The following RELN variants were observed in gnomAD, a reference collection of about 807,000 sequenced individuals.
RELN encodes reelin.
In RELN, 108 loss-of-function variants were observed where a neutral mutation model predicts 427.6. The ratio of observed to expected loss-of-function variants is 0.25; its 90% CI spans 0.22 to 0.30. The LOEUF is 0.30. RELN is among the 10% of genes least tolerant of loss of function. The pLI, the probability that RELN is intolerant of heterozygous loss-of-function variation, is 1.00. For missense variants in RELN, 3,715 were observed against 4,302.8 expected (o/e 0.86, Z 3.82); for synonymous variants, 1,524 against 1,513.4 (o/e 1.01, Z -0.16).
chr7:103,974,087 G>A (rs1006546239), intron 1 of RELN, among the ~76,000 whole-genome samples: 3 of 152,208 alleles, frequency 2.0e-5, no homozygotes, highest in Non-Finnish European at 4.4e-5. Flanking sequence ...AGGTTGAGGT[G>A]AGCCGAGACG....
At chr7:103,749,610 A>G (rs1224346530) in intron 5 of RELN, 106 bp from the exon 6 acceptor site, 2 of 840,512 alleles carry the variant, frequency 2.4e-6, no homozygotes, top group Non-Finnish European at 4.0e-6. Flanking sequence ...GTATCCTAAA[A>G]CTAAATTTTA....
At chr7:103,671,980 C>G (rs1308762221) in intron 11 of RELN, among the ~76,000 whole-genome samples, 1 of 152,062 alleles carries the variant, frequency 6.6e-6, no homozygotes, top group African/African-American at 2.4e-5. Context: ...CCTCTATAGC[C>G]TTATGAGCAT....
rs375008075 is a variant in RELN at position 103,905,352 on chromosome 7, G to A, written c.337+11723C>T. Among the ~76,000 whole-genome samples the A allele has an allele frequency of 1.6e-4, 25 of 152,218 alleles. 1 individual carries two copies. The highest frequency in any genetic ancestry group is 6.0e-4 in the African/African-American group (25 of 41,560). On this transcript the variant is annotated intron_variant, in intron 2 of 64. Transcript: ENST00000428762. ...AAATATTAGTGTCTGCCACCTCCAG[G>A]AGAGAAATGGACAAAGCGGTAGCCA...
intron 20 of RELN, among the ~76,000 whole-genome samples, chr7:103,615,372 C>A (rs893259957): frequency 7.9e-5 from 12 of 152,176 alleles, no homozygotes; most frequent in African/African-American, 2.7e-4. Context: ...TCCTTTGCCT[C>A]GCCCTCCTTT....
chr7:103,872,827 T>C (rs1372947296), intron 2 of RELN, among the ~76,000 whole-genome samples: 2 of 150,204 alleles, frequency 1.3e-5, no homozygotes, highest in African/African-American at 4.9e-5. Flanking sequence ...ATGATGAGTG[T>C]TTTTTCATGT....
intron 2 of RELN, among the ~76,000 whole-genome samples, chr7:103,888,494 C>T (rs10261431): frequency 0.26 from 39,551 of 152,050 alleles, 5,869 homozygotes; most frequent in African/African-American, 0.39. Context: ...GATGATAGTA[C>T]ACTTATAAAC....
At chr7:103,571,213 T>A (rs1355701376) in intron 31 of RELN, among the ~76,000 whole-genome samples, 1 of 152,242 alleles carries the variant, frequency 6.6e-6, no homozygotes. Context: ...CATACTGAGA[T>A]ATTAACAAAC....
At chr7:103,833,416 G>T in intron 3 of RELN, 121 bp downstream of exon 3, 4 of 1,010,626 alleles carry the variant, frequency 4.0e-6, no homozygotes, top group Middle Eastern at 2.8e-4. Flanking sequence ...CAAAATTAGT[G>T]ATTTTAATTA....
rs754395323 is a variant in RELN, at chr7:103,540,342, TGAA to T, written c.6782_6784del (p.Leu2261del). ...GCTGGAATTGCTGAAAAGGAACTCC[TGAA>T]GAAGACTCCACGAGAGGCCACCGTT... On this transcript the variant is annotated inframe_deletion, in exon 44 of 65. Coordinates refer to ENST00000428762, the MANE Select transcript of RELN (RefSeq NM_005045.4). The T allele has an allele frequency of 3.7e-6, 6 of 1,614,132 alleles. No homozygotes were observed. The highest frequency in any genetic ancestry group is 4.2e-6 in the Non-Finnish European group (5 of 1,180,026).
chr7:103,934,519 C>G (rs758492804), intron 1 of RELN, among the ~76,000 whole-genome samples: 2 of 152,184 alleles, frequency 1.3e-5, no homozygotes, highest in Non-Finnish European at 2.9e-5. Flanking sequence ...GATAGTCCAG[C>G]TTCCCAGCCT....
intron 6 of RELN, among the ~76,000 whole-genome samples, chr7:103,747,220 A>G (rs996469119): frequency 6.8e-6 from 1 of 146,484 alleles, no homozygotes; most frequent in African/African-American, 2.5e-5. Flanking sequence ...CAATGAGAAC[A>G]CATGGCCACA....
intron 2 of RELN, among the ~76,000 whole-genome samples, chr7:103,916,115 A>G (rs184136799): frequency 1.3e-5 from 2 of 152,158 alleles, no homozygotes; most frequent in African/African-American, 2.4e-5. Flanking sequence ...TGTGGACCTC[A>G]TCTTGGGCAA....
At chr7:103,821,375 T>G (rs764792345) in intron 3 of RELN, among the ~76,000 whole-genome samples, 1 of 152,140 alleles carries the variant, frequency 6.6e-6, no homozygotes, top group East Asian at 1.9e-4. Flanking sequence ...TTATCACATA[T>G]TACAAAAGGC....
chr7:103,889,339 T>G (rs1490549032), intron 2 of RELN, among the ~76,000 whole-genome samples: 1 of 152,212 alleles, frequency 6.6e-6, no homozygotes, highest in East Asian at 1.9e-4. Context: ...TTCTACCCAT[T>G]AAGAGCACTG....
At chr7:103,765,231 A>G (rs1366000944) in intron 4 of RELN, among the ~76,000 whole-genome samples, 4 of 152,360 alleles carry the variant, frequency 2.6e-5, no homozygotes, top group Non-Finnish European at 5.9e-5. Context: ...GCTATCAGAA[A>G]GAGAAAGCAC....
At chr7:103,897,809 C>T (rs189974401) in intron 2 of RELN, among the ~76,000 whole-genome samples, 99 of 152,062 alleles carry the variant, frequency 6.5e-4, no homozygotes, top group African/African-American at 2.1e-3. Context: ...AACTCCAATC[C>T]GTGGATCCAT....
chr7:103,901,134 T>C (rs28885406), intron 2 of RELN, among the ~76,000 whole-genome samples: 65,082 of 151,544 alleles, frequency 0.43, 14,378 homozygotes, highest in East Asian at 0.74. Flanking sequence ...TGTACGATGG[T>C]CAATAAGCAC....
At chr7:103,631,521 T>C (rs1832467218) in intron 19 of RELN, among the ~76,000 whole-genome samples, 2 of 152,242 alleles carry the variant, frequency 1.3e-5, no homozygotes, top group South Asian at 2.1e-4. Flanking sequence ...CTCAATCTCC[T>C]AACCTCGTGA....
At chr7:103,879,104 T>C (rs973097066) in intron 2 of RELN, among the ~76,000 whole-genome samples, 1 of 152,240 alleles carries the variant, frequency 6.6e-6, no homozygotes. Flanking sequence ...AAAAGGAGTA[T>C]AACTTTATGG....
Sources: allele counts gnomAD v4.1 joint callset (sites outside exome capture counted in the v4.1 genomes callset), GRCh38; gene constraint gnomAD v4.1.1; transcripts MANE v1.5; gene names NCBI Gene and HGNC (gene_info 2026-07-23, HGNC 2026-07-21).